Variants in RPH3A observed in about 807,000 individuals in gnomAD.
The protein encoded by RPH3A is rabphilin 3A.
Under a neutral mutation model 102.2 loss-of-function variants are expected in RPH3A, and 48 were observed. That is an observed-to-expected ratio of 0.47 (90% confidence interval 0.37 to 0.60). The LOEUF (loss-of-function observed/expected upper bound fraction) is 0.60. Among genes scored for constraint, RPH3A ranks in the 20% least tolerant of loss-of-function variants. The pLI, the probability that RPH3A is intolerant of heterozygous loss-of-function variation, is 0.00. For synonymous variants in RPH3A, 310 were observed against 324.3 expected (o/e 0.96, Z 0.47); for missense variants, 781 against 910.1 (o/e 0.86, Z 1.83).
At chr12:112,770,670 A>C (rs1354521541) in intron 1 of RPH3A, among the ~76,000 whole-genome samples, 1 of 152,144 alleles carries the variant, frequency 6.6e-6, no homozygotes, top group Non-Finnish European at 1.5e-5. Flanking sequence ...GACTTAAACA[A>C]GTTAAACTTT....
rs1324935262 is a variant in RPH3A, at chr12:112,713,026, T to TTCCTCTTCCTCTTCC, written c.-139-79115_-139-79114insCTCTTCCTCTTCCTC. Among the ~76,000 whole-genome samples the TTCCTCTTCCTCTTCC allele has an allele frequency of 5.5e-4, 38 of 69,132 alleles. 1 individual carries two copies. The highest frequency in any genetic ancestry group is 2.3e-3 in the South Asian group (3 of 1,306). 45.4% of individuals were successfully genotyped at this position (69,132 alleles called of 152,430 possible). A position where few individuals can be genotyped will look rare whatever the true frequency, so the allele number is the denominator to read the frequency against. On this transcript the variant is annotated intron_variant, in intron 1 of 21. Transcript: ENST00000543106. ...CTTCCTCTTCCTCTTCCTCTTCCTC[T>TTCCTCTTCCTCTTCC]TCTTCTTCTTCTTCTTCTTCTTCTC...
chr12:112,671,721 G>T (rs546312865), intron 1 of RPH3A, among the ~76,000 whole-genome samples: 1 of 152,208 alleles, frequency 6.6e-6, no homozygotes, highest in African/African-American at 2.4e-5. Context: ...CAGACCTGCA[G>T]CATGGGAATT....
intron 1 of RPH3A, among the ~76,000 whole-genome samples, chr12:112,668,805 T>C (rs11066377): frequency 0.013 from 1,999 of 152,130 alleles, 53 homozygotes; most frequent in African/African-American, 0.046. Context: ...GCATATGTAT[T>C]CCAGACTTAA....
chr12:112,707,504 C>T (rs1263519926), intron 1 of RPH3A, among the ~76,000 whole-genome samples: 1 of 152,202 alleles, frequency 6.6e-6, no homozygotes, highest in Non-Finnish European at 1.5e-5. Flanking sequence ...GATTTAAACC[C>T]AGATCAGTCT....
intron 1 of RPH3A, among the ~76,000 whole-genome samples, chr12:112,596,885 C>T (rs2039521018): frequency 6.6e-6 from 1 of 152,170 alleles, no homozygotes; most frequent in African/African-American, 2.4e-5. Flanking sequence ...TCTTTAACTC[C>T]TTTTTGTAAT....
At chr12:112,844,155 G>GTGTAATGTAAT (rs2042192620) in intron 4 of RPH3A, among the ~76,000 whole-genome samples, 1 of 152,154 alleles carries the variant, frequency 6.6e-6, no homozygotes, top group Admixed American at 6.5e-5. Context: ...CCTGACCCTG[G>GTGTAATGTAAT]GTGTGGGCAG....
intron 19 of RPH3A, chr12:112,894,147 A>C: frequency 5.1e-6 from 1 of 196,512 alleles, no homozygotes; most frequent in African/African-American, 2.4e-5. Context: ...GCCTCTCTCT[A>C]GGGATTGGGG....
intron 1 of RPH3A, among the ~76,000 whole-genome samples, chr12:112,663,059 G>GGTGTGTGTGTGTGTAT (rs2040059674): frequency 7.1e-6 from 1 of 141,136 alleles, no homozygotes; most frequent in African/African-American, 2.7e-5. Context: ...CTAAGTGATT[G>GGTGTGTGTGTGTGTAT]GTGTGTGTGT....
chr12:112,738,291 C>T (rs1234145568), intron 1 of RPH3A, among the ~76,000 whole-genome samples: 2 of 152,080 alleles, frequency 1.3e-5, no homozygotes, highest in African/African-American at 2.4e-5. Flanking sequence ...CTCCTAGGCC[C>T]AAGAGATCCT....
intron 1 of RPH3A, among the ~76,000 whole-genome samples, chr12:112,631,220 A>G (rs924089537): frequency 1.3e-5 from 2 of 152,156 alleles, no homozygotes; most frequent in African/African-American, 4.8e-5. Flanking sequence ...GGTCCCTAAG[A>G]GAATCTTGTC....
At chr12:112,848,609 G>A (rs922120779) in intron 5 of RPH3A, among the ~76,000 whole-genome samples, 1 of 152,190 alleles carries the variant, frequency 6.6e-6, no homozygotes, top group African/African-American at 2.4e-5. Context: ...CCTGACCCAG[G>A]CTCTGGTGAC....
chr12:112,645,625 C>T (rs1243314924), intron 1 of RPH3A, among the ~76,000 whole-genome samples: 3 of 152,180 alleles, frequency 2.0e-5, no homozygotes, highest in Admixed American at 6.5e-5. Context: ...CTGCAAATTT[C>T]GTCTTTCTAC....
chr12:112,889,430 T>A (rs915031333), intron 17 of RPH3A, among the ~76,000 whole-genome samples: 1 of 152,240 alleles, frequency 6.6e-6, no homozygotes, highest in African/African-American at 2.4e-5. Flanking sequence ...CTACTGATCA[T>A]CTTCTTTTGC....
chr12:112,777,046 T>G (rs1056683206), intron 1 of RPH3A, among the ~76,000 whole-genome samples: 1 of 152,164 alleles, frequency 6.6e-6, no homozygotes, highest in South Asian at 2.1e-4. Flanking sequence ...TACATTGCAA[T>G]GTGAAGTCAC....
intron 1 of RPH3A, among the ~76,000 whole-genome samples, chr12:112,746,988 C>A (rs1160212106): frequency 6.6e-6 from 1 of 152,148 alleles, no homozygotes; most frequent in Non-Finnish European, 1.5e-5. Flanking sequence ...TGTGTCTGTG[C>A]CCCCTTCCCA....
intron 1 of RPH3A, among the ~76,000 whole-genome samples, chr12:112,630,052 T>C (rs1449028158): frequency 2.6e-5 from 4 of 151,990 alleles, no homozygotes; most frequent in African/African-American, 9.7e-5. Flanking sequence ...GAAGTCCATA[T>C]GTTTTGTTTT....
rs745954372 is a variant in RPH3A, at chr12:112,818,307, TAAAAAAAAAAA to T, written c.-18-9980_-18-9970del. On this transcript the variant is annotated intron_variant, in intron 2 of 21. Transcript: ENST00000389385. Reference sequence around the variant, plus strand: ...GAGTGAGATTCTGTCTCAAGAAGAATAAAAAAAAAAAAAAAAAAAAAAAAGAAGGGTGGAGA... The same window carrying T: ...GAGTGAGATTCTGTCTCAAGAAGAATAAAAAAAAAAAAAGAAGGGTGGAGA... 5.5e-4 allele frequency among the ~76,000 whole-genome samples: 24 copies of T among 43,820 alleles called. 1 individual carries two copies. In the South Asian group the frequency reaches 0.011, roughly 21 times the overall value. 28.7% of individuals were successfully genotyped at this position (43,820 alleles called of 152,430 possible).
chr12:112,888,851 C>T (rs2043046834), intron 17 of RPH3A, among the ~76,000 whole-genome samples: 1 of 152,188 alleles, frequency 6.6e-6, no homozygotes, highest in South Asian at 2.1e-4. Context: ...TAGGGTAGGA[C>T]TCAACAATCT....
chr12:112,823,491 A>G (rs2041816871), intron 2 of RPH3A, among the ~76,000 whole-genome samples: 1 of 152,166 alleles, frequency 6.6e-6, no homozygotes, highest in Non-Finnish European at 1.5e-5. Flanking sequence ...ATCATCCTAT[A>G]CCCGATAAGT....
Sources: allele counts gnomAD v4.1 joint callset (sites outside exome capture counted in the v4.1 genomes callset), GRCh38; gene constraint gnomAD v4.1.1; transcripts MANE v1.5; gene names NCBI Gene and HGNC (gene_info 2026-07-23, HGNC 2026-07-21).